CACNA1C: variants seen among roughly 807,000 people sequenced by gnomAD.
CACNA1C encodes the protein calcium voltage-gated channel subunit alpha1 C.
A neutral mutation model predicts 229.0 loss-of-function variants in CACNA1C; 30 were observed. The ratio of observed to expected loss-of-function variants is 0.13; its 90% confidence interval spans 0.10 to 0.18. The LOEUF is 0.18. Among genes scored for constraint, CACNA1C ranks in the 10% least tolerant of loss-of-function variants. CACNA1C has a pLI of 1.00. For synonymous variants in CACNA1C, 1,114 were observed against 1,132.5 expected (o/e 0.98, Z 0.33); for missense variants, 1,658 against 2,845.0 (o/e 0.58, Z 9.49).
intron 3 of CACNA1C, among the ~76,000 whole-genome samples, chr12:2,408,543 G>A (rs954097772): frequency 2.2e-4 from 34 of 151,650 alleles, no homozygotes; most frequent in African/African-American, 6.5e-4. Context: ...GGTTCCCCAG[G>A]AATCCAGAGA....
rs552049239 is a variant in CACNA1C at position 2,646,789 on chromosome 12, A to AGAGT, written c.3913-1685_3913-1684insAGTG. ...GAGAAAGAGAGAGAGAGAGAGAGAG[A>AGAGT]GTGTGTGTGTGCGCGTGTGTGTGTC... On this transcript the variant is annotated intron_variant, in intron 30 of 46. Transcript: ENST00000399655. The surrounding 1 kb of genome is among the most constrained non-coding windows in gnomAD (Gnocchi z 4.6). Among the ~76,000 whole-genome samples the AGAGT allele has an allele frequency of 6.8e-5, 9 of 131,874 alleles. No individual in the cohort carries two copies. Among genetic ancestry groups the AGAGT allele is most frequent in the African/African-American group, 1.6e-4 (5 of 31,910 alleles). 86.5% of individuals were successfully genotyped at this position (131,874 alleles called of 152,430 possible).
Position 2,632,455 on chromosome 12 carries a change from C to T in CACNA1C, c.3829-1842C>T, listed in dbSNP as rs1007647788. 3.3e-5 allele frequency among the ~76,000 whole-genome samples: 5 copies of T among 152,200 alleles called. No homozygotes were observed. The highest frequency in any genetic ancestry group is 5.9e-5 in the Non-Finnish European group (4 of 68,044). On this transcript the variant is annotated intron_variant, in intron 29 of 46. Transcript: ENST00000399655. The surrounding 1 kb of genome is among the most constrained non-coding windows in gnomAD (Gnocchi z 4.1). ...TGCTAAAGAGTCCACTCATCCAGGA[C>T]ACCTGGGGTCCTATAGGGCCTCTGG... is the stretch of plus-strand genomic sequence containing the variant.
At position 1,980,202 on chromosome 12, in the gene CACNA1C, T is replaced by C. The variant is rs931769631; in HGVS notation, c.139+9001T>C. 8.5e-5 allele frequency among the ~76,000 whole-genome samples: 13 copies of C among 152,252 alleles called. No individual in the cohort carries two copies. In the South Asian group the frequency reaches 2.5e-3, roughly 29 times the overall value. ...CAACTTTATTCAGAATAGCTCAAAT[T>C]TGGAAATAATTCAAGTATCTATCGA... On this transcript the variant is annotated intron_variant, in intron 1 of 46. Transcript: ENST00000682462.
intron 3 of CACNA1C, among the ~76,000 whole-genome samples, chr12:2,420,412 G>C (rs2098966914): frequency 6.6e-6 from 1 of 152,140 alleles, no homozygotes; most frequent in Non-Finnish European, 1.5e-5. Context: ...AGACAGAGCT[G>C]CCATCCTGAT....
At chr12:2,606,031 C>G (rs1196093679) in intron 24 of CACNA1C, among the ~76,000 whole-genome samples, 1 of 152,206 alleles carries the variant, frequency 6.6e-6, no homozygotes, top group African/African-American at 2.4e-5. Context: ...GGTCACTGCC[C>G]TTCCTTCTAG....
intron 5 of CACNA1C, among the ~76,000 whole-genome samples, chr12:2,461,273 G>A (rs528641925): frequency 1.3e-5 from 2 of 152,150 alleles, no homozygotes; most frequent in Non-Finnish European, 2.9e-5. Context: ...ACAGCTGATC[G>A]CTCCTTGTCT....
At chr12:2,156,030 G>A (rs920116921) in intron 3 of CACNA1C, among the ~76,000 whole-genome samples, 1 of 152,182 alleles carries the variant, frequency 6.6e-6, no homozygotes, top group Non-Finnish European at 1.5e-5. Flanking sequence ...AAGAACAAGA[G>A]TGAATCTGAC....
chr12:2,563,327 G>A (rs896691678), intron 11 of CACNA1C, among the ~76,000 whole-genome samples: 2 of 152,150 alleles, frequency 1.3e-5, no homozygotes, highest in African/African-American at 2.4e-5. Context: ...AAATAGTGCC[G>A]CAGTGAACAT....
chr12:2,685,958 C>T, intron 44 of CACNA1C, 116 bp downstream of exon 44: 2 of 831,098 alleles, frequency 2.4e-6, no homozygotes, highest in Non-Finnish European at 4.0e-6. Flanking sequence ...CACAGTGGGG[C>T]ATTTCCAAAG....
intron 1 of CACNA1C, among the ~76,000 whole-genome samples, chr12:1,999,729 T>C (rs1012119000): frequency 1.3e-5 from 2 of 152,072 alleles, no homozygotes; most frequent in Admixed American, 6.6e-5. Context: ...CTGTTTCTTA[T>C]AAATAAATAA....
At chr12:2,561,851 T>C (rs10732594) in intron 11 of CACNA1C, among the ~76,000 whole-genome samples, 131,827 of 152,206 alleles carry the variant, frequency 0.87, 57,362 homozygotes, top group Non-Finnish European at 0.91. Flanking sequence ...GTGAAGGGAA[T>C]ATGAATAGCA....
chr12:2,559,417 A>G (rs1291499451), intron 11 of CACNA1C, among the ~76,000 whole-genome samples: 2 of 152,226 alleles, frequency 1.3e-5, no homozygotes, highest in Non-Finnish European at 2.9e-5. Context: ...GTGCTTTTCA[A>G]CAAGAGGGAA....
intron 3 of CACNA1C, among the ~76,000 whole-genome samples, chr12:2,160,102 C>T (rs11831442): frequency 0.015 from 2,283 of 152,268 alleles, 64 homozygotes; most frequent in African/African-American, 0.052. Context: ...CTGCCCTATA[C>T]GCCTCTGGAT....
intron 1 of CACNA1C, among the ~76,000 whole-genome samples, chr12:2,043,072 T>C (rs1476138987): frequency 1.3e-5 from 2 of 152,222 alleles, no homozygotes; most frequent in African/African-American, 2.4e-5. Context: ...AGAACTATTA[T>C]GTGCTACATA....
At chr12:2,329,266 T>G (rs906368838) in intron 3 of CACNA1C, among the ~76,000 whole-genome samples, 3 of 152,200 alleles carry the variant, frequency 2.0e-5, no homozygotes, top group African/African-American at 7.2e-5. Flanking sequence ...TGGTTTTGAT[T>G]AGTGGAATAA....
intron 1 of CACNA1C, among the ~76,000 whole-genome samples, chr12:2,069,388 C>T (rs1236444965): frequency 1.3e-5 from 2 of 152,152 alleles, no homozygotes; most frequent in East Asian, 3.9e-4. Context: ...GAGCCAAACC[C>T]CAAGTTATTT....
At chr12:2,622,317 T>C (rs1251649634) in intron 29 of CACNA1C, among the ~76,000 whole-genome samples, 1 of 152,156 alleles carries the variant, frequency 6.6e-6, no homozygotes, top group Non-Finnish European at 1.5e-5. Flanking sequence ...GTGGACTTCC[T>C]CTGACTGTCC....
intron 3 of CACNA1C, among the ~76,000 whole-genome samples, chr12:2,184,222 G>A (rs568065316): frequency 1.3e-5 from 2 of 152,308 alleles, no homozygotes; most frequent in South Asian, 2.1e-4. Context: ...TTTAGCAGCC[G>A]AAGGGACTTG....
chr12:2,281,073 T>G (rs1166768210), intron 3 of CACNA1C, among the ~76,000 whole-genome samples: 1 of 151,892 alleles, frequency 6.6e-6, no homozygotes, highest in Non-Finnish European at 1.5e-5. Flanking sequence ...TAACTCGTCA[T>G]TTAACATGAG....
Sources: allele counts gnomAD v4.1 joint callset (sites outside exome capture counted in the v4.1 genomes callset), GRCh38; gene constraint gnomAD v4.1.1; non-coding constraint Gnocchi (gnomAD v3.1); transcripts MANE v1.5; gene names NCBI Gene and HGNC (gene_info 2026-07-23, HGNC 2026-07-21).